The following ARRB1 variants were observed in gnomAD, a reference collection of about 807,000 sequenced individuals.
ARRB1 encodes arrestin beta 1, also known as beta-arrestin-1.
A neutral mutation model predicts 56.8 loss-of-function variants in ARRB1; 21 were observed. That is an observed-to-expected ratio of 0.37 (90% CI 0.26 to 0.53). The LOEUF (loss-of-function observed/expected upper bound fraction) is 0.53, where lower values mean the gene tolerates loss of function less well. Among genes scored for constraint, ARRB1 ranks in the 20% least tolerant of loss-of-function variants. The probability of loss-of-function intolerance (pLI) is 0.88; values close to 1 mark genes in which losing one functional copy is unlikely to be tolerated. For synonymous variants in ARRB1, 210 were observed against 218.6 expected (o/e 0.96, Z 0.35); for missense variants, 424 against 553.7 (o/e 0.77, Z 2.35).
intron 1 of ARRB1, among the ~76,000 whole-genome samples, chr11:75,299,496 C>G (rs555263704): frequency 2.0e-5 from 3 of 151,834 alleles, no homozygotes; most frequent in African/African-American, 7.2e-5. Flanking sequence ...ACCCTAAACT[C>G]TGAATGCTTT....
At chr11:75,268,102 T>C (rs1451167344) in intron 14 of ARRB1, among the ~76,000 whole-genome samples, 1 of 152,238 alleles carries the variant, frequency 6.6e-6, no homozygotes, top group African/African-American at 2.4e-5. Context: ...TCGATGGCAC[T>C]GCACAGTTTA....
At chr11:75,351,173 G>A (rs983118640) in intron 1 of ARRB1, among the ~76,000 whole-genome samples, 1 of 152,264 alleles carries the variant, frequency 6.6e-6, no homozygotes, top group African/African-American at 2.4e-5. Context: ...CAGCAAGAAT[G>A]TGTTGACCGA....
At chr11:75,294,611 T>A (rs1192608875) in intron 1 of ARRB1, among the ~76,000 whole-genome samples, 16 of 29,544 alleles carry the variant, frequency 5.4e-4, no homozygotes, top group African/African-American at 1.1e-3. Flanking sequence ...ATAAATAACT[T>A]AAAATATTTT....
At chr11:75,334,331 C>G (rs908757075) in intron 1 of ARRB1, among the ~76,000 whole-genome samples, 6 of 150,754 alleles carry the variant, frequency 4.0e-5, no homozygotes, top group African/African-American at 1.5e-4. Flanking sequence ...AAAAAAGGCC[C>G]CATCCCGGTT....
intron 7 of ARRB1, among the ~76,000 whole-genome samples, chr11:75,279,802 G>C (rs1025677144): frequency 6.6e-6 from 1 of 152,152 alleles, no homozygotes; most frequent in African/African-American, 2.4e-5. Context: ...TGAGTAGCTG[G>C]GGTTACAGGC....
intron 1 of ARRB1, chr11:75,303,683 C>A (rs769708384): frequency 2.2e-6 from 1 of 456,180 alleles, no homozygotes; most frequent in African/African-American, 2.0e-5. Flanking sequence ...AGTGAACAAG[C>A]AAGCCCTCCC....
chr11:75,282,060 CA>C, intron 5 of ARRB1, 39 bp from the exon 6 acceptor site: 1 of 1,605,906 alleles, frequency 6.2e-7, no homozygotes, highest in South Asian at 1.1e-5. Flanking sequence ...CTGTCACATC[CA>C]CCACTGTCCT....
At chr11:75,316,203 T>C (rs1357606530) in intron 1 of ARRB1, among the ~76,000 whole-genome samples, 1 of 152,026 alleles carries the variant, frequency 6.6e-6, no homozygotes, top group Non-Finnish European at 1.5e-5. Flanking sequence ...GGCGGGTGCC[T>C]GTAATCCCAG....
chr11:75,271,784 C>A, intron 12 of ARRB1, 60 bp from the exon 13 acceptor site: 2 of 1,517,438 alleles, frequency 1.3e-6, no homozygotes, highest in Admixed American at 4.2e-5. Context: ...AGGAAGAAAA[C>A]AAAAAGCACA....
At chr11:75,317,030 C>T (rs1343023618) in intron 1 of ARRB1, among the ~76,000 whole-genome samples, 1 of 152,188 alleles carries the variant, frequency 6.6e-6, no homozygotes, top group Admixed American at 6.5e-5. Flanking sequence ...CGAGCTACTA[C>T]TGCCCTCCAG....
intron 1 of ARRB1, among the ~76,000 whole-genome samples, chr11:75,323,335 G>A (rs1027860821): frequency 6.6e-6 from 1 of 152,156 alleles, no homozygotes. Context: ...TGTACCTAGA[G>A]GGGCCGGGCG....
At position 75,268,969 on chromosome 11, in the gene ARRB1, A is replaced by G. The variant is rs769707420; in HGVS notation, c.1023-10T>C. On this transcript the variant is annotated splice_polypyrimidine_tract_variant and intron_variant, in intron 13 of 15. Coordinates refer to ENST00000420843, the MANE Select transcript of ARRB1 (RefSeq NM_004041.5). ...TTCCACGGCCACGTCGCTGAAACAG[A>G]GACCCAGACCCAGTGAGCCTTGAGC... 3.7e-6 allele frequency: 6 copies of G among 1,607,158 alleles called. No individual in the cohort carries two copies. The African/African-American group carries it at 4.0e-5, about 11-fold the overall frequency.
chr11:75,286,386 C>T (rs1300459234), intron 3 of ARRB1, among the ~76,000 whole-genome samples: 1 of 151,232 alleles, frequency 6.6e-6, no homozygotes, highest in African/African-American at 2.4e-5. Flanking sequence ...TCATGCCTCA[C>T]CCACCCCAGT....
chr11:75,281,573 C>T (rs1946342263), intron 6 of ARRB1: 1 of 330,188 alleles, frequency 3.0e-6, no homozygotes, highest in Non-Finnish European at 5.6e-6. Context: ...AAGCTGGGCT[C>T]AAAGCTCTGG....
intron 1 of ARRB1, among the ~76,000 whole-genome samples, chr11:75,321,007 C>T (rs1202019450): frequency 6.6e-6 from 1 of 152,112 alleles, no homozygotes; most frequent in African/African-American, 2.4e-5. Context: ...CACACGTGCA[C>T]AGACACACAC....
intron 1 of ARRB1, among the ~76,000 whole-genome samples, chr11:75,345,485 T>C (rs1413423154): frequency 6.6e-6 from 1 of 152,082 alleles, no homozygotes; most frequent in Non-Finnish European, 1.5e-5. Context: ...CCAGGGACCA[T>C]CTGAGACGAT....
intron 1 of ARRB1, among the ~76,000 whole-genome samples, chr11:75,314,305 G>T (rs1335373688): frequency 1.3e-5 from 2 of 152,260 alleles, no homozygotes; most frequent in African/African-American, 2.4e-5. Flanking sequence ...AAGTCAGCCA[G>T]TCATCTTCTT....
intron 13 of ARRB1, chr11:75,269,261 C>T (rs1946017655): frequency 6.7e-6 from 4 of 598,488 alleles, no homozygotes; most frequent in Non-Finnish European, 9.4e-6. Context: ...GGGCAGCATG[C>T]ACCGTGGTCA....
At position 75,290,003 on chromosome 11, in the gene ARRB1, A is replaced by G. The variant is rs1367732839; in HGVS notation, c.51+6T>C. 1.2e-6 allele frequency: 2 copies of G among 1,614,008 alleles called. No homozygotes were observed. The highest frequency in any genetic ancestry group is 2.2e-5 in the South Asian group (2 of 91,088). On this transcript the variant is annotated splice_donor_region_variant and intron_variant, in intron 2 of 15. Transcript: ENST00000420843. ...GAGGCGCTGGGCGCAGCTGTTACAG[A>G]CTCACCTTTCCATTTGGACTGGCCT...
Sources: allele counts gnomAD v4.1 joint callset (sites outside exome capture counted in the v4.1 genomes callset), GRCh38; gene constraint gnomAD v4.1.1; transcripts MANE v1.5; gene names NCBI Gene and HGNC (gene_info 2026-07-23, HGNC 2026-07-21).